SPOCK3: variants seen among roughly 807,000 people sequenced by gnomAD.
SPOCK3 encodes the protein testican-3.
In SPOCK3, 30 loss-of-function variants were observed where a neutral mutation model predicts 56.6. That is an observed-to-expected ratio of 0.53 (90% CI 0.40 to 0.72). The LOEUF (loss-of-function observed/expected upper bound fraction) is 0.72, where lower values mean the gene tolerates loss of function less well. SPOCK3 is among the 30% of genes least tolerant of loss of function. The probability of loss-of-function intolerance (pLI) is 0.00; values close to 1 mark genes in which losing one functional copy is unlikely to be tolerated. For synonymous variants in SPOCK3, 196 were observed against 183.3 expected (o/e 1.07, Z -0.56); for missense variants, 527 against 530.0 (o/e 0.99, Z 0.06).
intron 7 of SPOCK3, among the ~76,000 whole-genome samples, chr4:166,770,812 A>G (rs1322633218): frequency 6.6e-6 from 1 of 152,022 alleles, no homozygotes; most frequent in African/African-American, 2.4e-5. Context: ...ACTGGTTAAG[A>G]GTAAAATAAT....
intron 2 of SPOCK3, among the ~76,000 whole-genome samples, chr4:167,157,277 AC>A (rs1764893334): frequency 6.6e-6 from 1 of 152,120 alleles, no homozygotes; most frequent in Non-Finnish European, 1.5e-5. Context: ...CCAAGCTCTG[AC>A]ATGGTCTAAG....
chr4:166,891,320 C>T (rs1734753020), intron 5 of SPOCK3, among the ~76,000 whole-genome samples: 1 of 151,992 alleles, frequency 6.6e-6, no homozygotes, highest in Non-Finnish European at 1.5e-5. Context: ...GCACCAGTGA[C>T]TAATTTAATT....
intron 6 of SPOCK3, among the ~76,000 whole-genome samples, chr4:166,855,388 A>AT (rs11364439): frequency 6.6e-6 from 1 of 151,902 alleles, no homozygotes; most frequent in African/African-American, 2.4e-5. Flanking sequence ...AAGCGACTCT[A>AT]TTTTTTTCCC....
intron 2 of SPOCK3, among the ~76,000 whole-genome samples, chr4:167,152,043 A>T (rs1764469396): frequency 6.6e-6 from 1 of 152,242 alleles, no homozygotes; most frequent in African/African-American, 2.4e-5. Context: ...AAAATTTAAA[A>T]TATGTAATGA....
intron 6 of SPOCK3, among the ~76,000 whole-genome samples, chr4:166,806,620 T>G (rs895302835): frequency 7.9e-5 from 12 of 152,072 alleles, no homozygotes. Flanking sequence ...ATATCAAATA[T>G]GTGAATGTAT....
chr4:167,042,617 G>A (rs1423901520), intron 3 of SPOCK3, among the ~76,000 whole-genome samples: 1 of 152,018 alleles, frequency 6.6e-6, no homozygotes, highest in East Asian at 1.9e-4. Context: ...GAAGAAAAGA[G>A]AAACCTGAAA....
intron 4 of SPOCK3, among the ~76,000 whole-genome samples, chr4:166,946,752 G>A (rs1021137367): frequency 3.9e-5 from 6 of 152,130 alleles, no homozygotes; most frequent in African/African-American, 1.4e-4. Flanking sequence ...AGTGCTTTTA[G>A]TTTTTCTCTT....
At chr4:166,826,002 C>G (rs963966479) in intron 6 of SPOCK3, among the ~76,000 whole-genome samples, 4 of 151,910 alleles carry the variant, frequency 2.6e-5, no homozygotes, top group African/African-American at 9.7e-5. Flanking sequence ...AATAACTTAT[C>G]CATGTAACCA....
chr4:166,822,548 C>T (rs893056107), intron 6 of SPOCK3, among the ~76,000 whole-genome samples: 21 of 151,994 alleles, frequency 1.4e-4, no homozygotes, highest in Non-Finnish European at 2.1e-4. Flanking sequence ...GATGTCTGAT[C>T]TCTCATGCGG....
At chr4:167,210,179 A>G (rs1734735053) in intron 2 of SPOCK3, among the ~76,000 whole-genome samples, 1 of 152,108 alleles carries the variant, frequency 6.6e-6, no homozygotes, top group Non-Finnish European at 1.5e-5. Flanking sequence ...TCTTATACCT[A>G]TGGAACATGC....
At chr4:167,109,991 T>G (rs35553216) in intron 2 of SPOCK3, among the ~76,000 whole-genome samples, 63 of 151,930 alleles carry the variant, frequency 4.1e-4, no homozygotes, top group Non-Finnish European at 8.4e-4. Flanking sequence ...TCTTTTAGAC[T>G]TGTAAACACA....
chr4:166,777,728 C>G (rs968634415), intron 7 of SPOCK3, among the ~76,000 whole-genome samples: 2 of 151,916 alleles, frequency 1.3e-5, no homozygotes, highest in African/African-American at 2.4e-5. Flanking sequence ...CAAAGTGAGG[C>G]CTTGTCTCAA....
At chr4:166,820,462 A>G (rs1208980788) in intron 6 of SPOCK3, among the ~76,000 whole-genome samples, 2 of 152,058 alleles carry the variant, frequency 1.3e-5, no homozygotes, top group Non-Finnish European at 2.9e-5. Context: ...ATTTAGGGTC[A>G]TACAGCTGTT....
chr4:167,179,315 T>C (rs1369337606), intron 2 of SPOCK3, among the ~76,000 whole-genome samples: 3 of 152,160 alleles, frequency 2.0e-5, no homozygotes, highest in African/African-American at 7.2e-5. Flanking sequence ...TGAGCCAGAC[T>C]CTCTGCTGCA....
At chr4:166,812,995 T>C (rs1030793753) in intron 6 of SPOCK3, among the ~76,000 whole-genome samples, 5 of 152,008 alleles carry the variant, frequency 3.3e-5, no homozygotes, top group African/African-American at 1.2e-4. Flanking sequence ...AATTTTCCAT[T>C]CCAATGATTC....
At chr4:167,078,735 T>C (rs1304432873) in intron 2 of SPOCK3, among the ~76,000 whole-genome samples, 9 of 151,838 alleles carry the variant, frequency 5.9e-5, no homozygotes. Flanking sequence ...TTCAATTTTC[T>C]AATATTTAAT....
At chr4:167,118,329 T>A (rs919072237) in intron 2 of SPOCK3, among the ~76,000 whole-genome samples, 4 of 152,148 alleles carry the variant, frequency 2.6e-5, no homozygotes, top group African/African-American at 7.2e-5. Flanking sequence ...CACTTATAAA[T>A]CCAGTGTAAT....
chr4:166,934,483 G>C (rs1045101297), intron 4 of SPOCK3, among the ~76,000 whole-genome samples: 1 of 151,974 alleles, frequency 6.6e-6, no homozygotes, highest in African/African-American at 2.4e-5. Flanking sequence ...GGGCGACAGA[G>C]CGAGACTCCG....
At chr4:166,740,552 G>A (rs1734735016) in intron 9 of SPOCK3, among the ~76,000 whole-genome samples, 1 of 149,820 alleles carries the variant, frequency 6.7e-6, no homozygotes, top group Non-Finnish European at 1.5e-5. Flanking sequence ...CTGAGATGGA[G>A]TCTCGCTCTG....
Sources: gnomAD v4.1 joint callset for allele counts (sites outside exome capture counted in the v4.1 genomes callset) on GRCh38, gnomAD v4.1.1 for gene constraint, MANE v1.5 for transcripts, NCBI Gene and HGNC (gene_info 2026-07-23, HGNC 2026-07-21) for gene names.